Variants in RALYL observed in about 807,000 individuals in gnomAD.
The protein encoded by RALYL is RALY RNA binding protein like.
In RALYL, 29 loss-of-function variants were observed where a neutral mutation model predicts 35.1. The ratio of observed to expected loss-of-function variants is 0.83; its 90% confidence interval spans 0.61 to 1.13. RALYL has a LOEUF of 1.13. RALYL is among the 50% of genes most tolerant of loss of function. The probability of loss-of-function intolerance (pLI) is 0.00; values close to 1 mark genes in which losing one functional copy is unlikely to be tolerated. For missense variants in RALYL, 359 were observed against 360.4 expected (o/e 1.00, Z 0.03); for synonymous variants, 120 against 127.6 (o/e 0.94, Z 0.40).
At chr8:84,777,993 G>C (rs112457933) in intron 3 of RALYL, among the ~76,000 whole-genome samples, 2 of 151,998 alleles carry the variant, frequency 1.3e-5, no homozygotes, top group African/African-American at 2.4e-5. Context: ...CTTTTTACTC[G>C]GTCATTCATT....
At chr8:84,912,300 T>C (rs1235740878) in intron 8 of RALYL, among the ~76,000 whole-genome samples, 1 of 152,010 alleles carries the variant, frequency 6.6e-6, no homozygotes, top group Non-Finnish European at 1.5e-5. Context: ...ATCACCCTTA[T>C]CATTTAGGAA....
At chr8:84,910,349 A>T (rs983359911) in intron 8 of RALYL, among the ~76,000 whole-genome samples, 1 of 152,286 alleles carries the variant, frequency 6.6e-6, no homozygotes, top group African/African-American at 2.4e-5. Context: ...TCTGTTAGTC[A>T]TACTATCAAA....
At chr8:84,457,444 T>A (rs1055576830) in intron 1 of RALYL, among the ~76,000 whole-genome samples, 2 of 151,966 alleles carry the variant, frequency 1.3e-5, no homozygotes, top group Admixed American at 1.3e-4. Context: ...TGTTGCCTTT[T>A]ACCAAATGTC....
At chr8:84,321,304 T>C (rs547511226) in intron 1 of RALYL, among the ~76,000 whole-genome samples, 3 of 152,198 alleles carry the variant, frequency 2.0e-5, no homozygotes, top group Admixed American at 2.0e-4. Flanking sequence ...ATCAATGACA[T>C]TTTTTAGGCA....
At chr8:84,233,454 C>T (rs1315359128) in intron 1 of RALYL, among the ~76,000 whole-genome samples, 2 of 152,072 alleles carry the variant, frequency 1.3e-5, no homozygotes, top group African/African-American at 4.8e-5. Context: ...TAACTCCCAC[C>T]CCAAAGCACC....
At chr8:84,303,269 G>A (rs994667353) in intron 1 of RALYL, among the ~76,000 whole-genome samples, 16 of 152,070 alleles carry the variant, frequency 1.1e-4, no homozygotes, top group South Asian at 2.1e-4. Flanking sequence ...TATGTATTTC[G>A]GTGAGTTGGA....
chr8:84,279,070 TG>T (rs1249340618), intron 1 of RALYL, among the ~76,000 whole-genome samples: 2 of 152,112 alleles, frequency 1.3e-5, no homozygotes, highest in Non-Finnish European at 2.9e-5. Flanking sequence ...CCCACATGGC[TG>T]GGGATGGTGG....
chr8:84,348,599 G>C (rs1850285204), intron 1 of RALYL, among the ~76,000 whole-genome samples: 1 of 151,966 alleles, frequency 6.6e-6, no homozygotes, highest in South Asian at 2.1e-4. Flanking sequence ...ACACCACCAG[G>C]AACAATTACT....
intron 2 of RALYL, among the ~76,000 whole-genome samples, chr8:84,577,984 G>T (rs1173357627): frequency 1.3e-5 from 2 of 152,218 alleles, no homozygotes; most frequent in Admixed American, 1.3e-4. Context: ...GTGGCTGGTG[G>T]TGCCTTTGCC....
chr8:84,372,893 T>TTTTTTTGTTTTG (rs1563809051), intron 1 of RALYL, among the ~76,000 whole-genome samples: 4 of 122,636 alleles, frequency 3.3e-5, no homozygotes, highest in Non-Finnish European at 6.7e-5. Flanking sequence ...TCTGTTTTTT[T>TTTTTTTGTTTTG]TTTTTTTTTT....
intron 2 of RALYL, among the ~76,000 whole-genome samples, chr8:84,683,020 C>T (rs1254582417): frequency 6.6e-6 from 1 of 152,150 alleles, no homozygotes; most frequent in East Asian, 1.9e-4. Flanking sequence ...TGAATGTTTT[C>T]CAGAGATTCT....
chr8:84,286,773 G>T (rs1020457530), intron 1 of RALYL, among the ~76,000 whole-genome samples: 1 of 152,126 alleles, frequency 6.6e-6, no homozygotes, highest in Non-Finnish European at 1.5e-5. Flanking sequence ...TTTCTAAAAC[G>T]TTGAGATTGA....
At chr8:84,799,335 A>T (rs144363315) in intron 3 of RALYL, among the ~76,000 whole-genome samples, 1,639 of 152,342 alleles carry the variant, frequency 0.011, 20 homozygotes, top group Non-Finnish European at 0.016. Context: ...GGAAACATGC[A>T]GAGATTTGTA....
At chr8:84,446,546 G>T (rs2048878039) in intron 1 of RALYL, among the ~76,000 whole-genome samples, 1 of 152,010 alleles carries the variant, frequency 6.6e-6, no homozygotes. Flanking sequence ...TTTCTTCCTG[G>T]TATGTCAATT....
In RALYL at chr8:84,529,351, C is replaced by T. The variant is rs531250540; in HGVS notation, c.30C>T (p.Val10=). The change falls in exon 2 of 9, where the codon GTC becomes GTT. Residue 10 remains valine, a synonymous_variant. Transcript: ENST00000521268. MTGKTQTSN[V]TNKNDPKSIN... is the part of the protein sequence containing the mutation. ...CTGGCAAAACACAGACCAGCAACGT[C>T]ACCAATAAGAATGACCCCAAGTCCA... The T allele has an allele frequency of 2.1e-4, 331 of 1,590,776 alleles. 3 individuals are homozygous for T. In the South Asian group the frequency reaches 3.6e-3, roughly 18 times the overall value.
intron 2 of RALYL, among the ~76,000 whole-genome samples, chr8:84,546,386 G>T (rs1214738109): frequency 6.6e-6 from 1 of 152,138 alleles, no homozygotes; most frequent in Non-Finnish European, 1.5e-5. Flanking sequence ...CTCTCAAGAT[G>T]TTGGAATTAC....
At chr8:84,819,609 A>G (rs1052871637) in intron 4 of RALYL, among the ~76,000 whole-genome samples, 1 of 152,192 alleles carries the variant, frequency 6.6e-6, no homozygotes, top group African/African-American at 2.4e-5. Context: ...AGTCTCCCTC[A>G]GTCTTTTACA....
chr8:84,776,048 G>A (rs78719122), intron 3 of RALYL, among the ~76,000 whole-genome samples: 1,949 of 152,260 alleles, frequency 0.013, 45 homozygotes, highest in African/African-American at 0.044. Flanking sequence ...TAAAAGTGTT[G>A]AGCAAGGCTT....
Position 84,477,098 on chromosome 8 carries a change from A to G in RALYL, c.-23-52201A>G, listed in dbSNP as rs150478279. Among the ~76,000 whole-genome samples the G allele has an allele frequency of 3.3e-3, 500 of 152,228 alleles. 3 individuals are homozygous for G. Among genetic ancestry groups the G allele is most frequent in the Non-Finnish European group, 5.4e-3 (366 of 67,970 alleles). On this transcript the variant is annotated intron_variant, in intron 1 of 8. Coordinates refer to ENST00000521268, the MANE Select transcript of RALYL (RefSeq NM_173848.7). Reference sequence around the variant, plus strand: ...GGCTTTCTTTTCTTTGGTGTCATTCACTTATTGCTATGTAAAGTACCAATC... The same window carrying G: ...GGCTTTCTTTTCTTTGGTGTCATTCGCTTATTGCTATGTAAAGTACCAATC...
Sources: allele counts gnomAD v4.1 joint callset (sites outside exome capture counted in the v4.1 genomes callset), GRCh38; gene constraint gnomAD v4.1.1; transcripts MANE v1.5; gene names NCBI Gene and HGNC (gene_info 2026-07-23, HGNC 2026-07-21).